PDSS1: variants seen among roughly 807,000 people sequenced by gnomAD.
PDSS1 encodes the protein all trans-polyprenyl-diphosphate synthase PDSS1.
In PDSS1, 43 loss-of-function variants were observed where a neutral mutation model predicts 57.5. The ratio of observed to expected loss-of-function variants is 0.75; its 90% CI spans 0.59 to 0.96. PDSS1 has a LOEUF of 0.96. PDSS1 is among the 50% of genes least tolerant of loss of function. The probability of loss-of-function intolerance (pLI) is 0.00; values close to 1 mark genes in which losing one functional copy is unlikely to be tolerated. For missense variants in PDSS1, 438 were observed against 527.8 expected (o/e 0.83, Z 1.67); for synonymous variants, 175 against 191.3 (o/e 0.91, Z 0.70).
chr10:26,732,994 AG>A (rs1836266896), intron 8 of PDSS1, among the ~76,000 whole-genome samples: 1 of 152,192 alleles, frequency 6.6e-6, no homozygotes, highest in African/African-American at 2.4e-5. Context: ...AGGTTGAGGC[AG>A]GAGAATCGCT....
chr10:26,720,065 G>A, intron 5 of PDSS1, 153 bp from the exon 6 acceptor site: 1 of 1,015,340 alleles, frequency 9.8e-7, no homozygotes, highest in Non-Finnish European at 1.5e-6. Flanking sequence ...TAAATGTATA[G>A]AAATGGCTGT....
chr10:26,705,595 T>C (rs1835186084), intron 4 of PDSS1, among the ~76,000 whole-genome samples: 1 of 152,192 alleles, frequency 6.6e-6, no homozygotes, highest in Admixed American at 6.5e-5. Flanking sequence ...TGCCTCAGCC[T>C]CCTGAGTAGC....
chr10:26,717,581 T>C (rs970476498), intron 5 of PDSS1: 1 of 152,180 alleles, frequency 6.6e-6, no homozygotes, highest in African/African-American at 2.4e-5. Context: ...TTCAAAATAT[T>C]TTAAGAAATC....
intron 8 of PDSS1, among the ~76,000 whole-genome samples, chr10:26,729,774 T>C (rs1232008398): frequency 1.3e-5 from 2 of 152,208 alleles, no homozygotes; most frequent in East Asian, 1.9e-4. Flanking sequence ...CATTTATGCC[T>C]AGTGTTCCAT....
chr10:26,741,209 G>A (rs908615937), intron 10 of PDSS1, among the ~76,000 whole-genome samples: 5 of 152,162 alleles, frequency 3.3e-5, no homozygotes, highest in Non-Finnish European at 5.9e-5. Context: ...CCCAGGCCAG[G>A]CGCGGTGGCT....
intron 8 of PDSS1, among the ~76,000 whole-genome samples, chr10:26,726,760 T>C (rs920588736): frequency 6.6e-5 from 10 of 152,102 alleles, no homozygotes; most frequent in South Asian, 4.1e-4. Flanking sequence ...TTGACTGATA[T>C]TAAAATAGAA....
intron 1 of PDSS1, among the ~76,000 whole-genome samples, chr10:26,700,198 GA>G (rs1482410174): frequency 6.6e-6 from 1 of 151,770 alleles, no homozygotes; most frequent in Non-Finnish European, 1.5e-5. Flanking sequence ...TAGAGACGGG[GA>G]CTTTTTGTGT....
rs766225494 is a variant in PDSS1 at position 26,723,830 on chromosome 10, C to A, written c.634C>A (p.Leu212Ile). ...GGCTGTTCTTGCTGGAGATTTAATT[C>A]TTTCTGCAGCATCTATAGCTCTGGC... is the stretch of plus-strand genomic sequence containing the variant. ...KKAVLAGDLI[L>I]SAASIALARI... The change falls in exon 7 of 12, where the codon CTT (leucine) becomes ATT (isoleucine). Residue 212 changes from leucine to isoleucine, a missense_variant. Leu to Ile is a conservative substitution (Grantham distance 5). Transcript: ENST00000376215. The A allele has an allele frequency of 1.1e-5, 18 of 1,612,274 alleles. No individual in the cohort carries two copies. The highest frequency in any genetic ancestry group is 1.4e-5 in the Non-Finnish European group (17 of 1,178,324).
intron 8 of PDSS1, among the ~76,000 whole-genome samples, chr10:26,724,527 G>T (rs1835891071): frequency 6.6e-6 from 1 of 152,106 alleles, no homozygotes; most frequent in South Asian, 2.1e-4. Context: ...CTCAGGAAAA[G>T]ATATCTGTTA....
rs758471892 is a variant in PDSS1 at position 26,746,463 on chromosome 10, G to GAGAT, written c.1240_1243dup (p.Lys415ArgfsTer2). 1.7e-5 allele frequency: 28 copies of GAGAT among 1,613,996 alleles called. No homozygotes were observed. Among genetic ancestry groups the GAGAT allele is most frequent in the Admixed American group, 5.0e-5 (3 of 60,016 alleles). ...CAGCTTTCAGAAATTGTACTCACAA[G>GAGAT]AGATAAATGACAACTCTTTCTGTTC... On this transcript the variant is annotated frameshift_variant, in exon 12 of 12. Coordinates refer to ENST00000376215, the MANE Select transcript of PDSS1 (RefSeq NM_014317.5). LOFTEE classifies it high-confidence loss of function.
intron 8 of PDSS1, among the ~76,000 whole-genome samples, chr10:26,724,413 T>C (rs1349179546): frequency 6.6e-6 from 1 of 152,216 alleles, no homozygotes; most frequent in Non-Finnish European, 1.5e-5. Context: ...CTGTATCATT[T>C]TGAACAATTT....
rs1023928113 is a variant in PDSS1, at chr10:26,697,942, CG to C, written c.129+107del. Reference sequence around the variant, plus strand: ...AGCGGGGAGCACGTGCGTCGCGACGCGGGGGCGCGCGGGGTAGCTCCGGGGT... The same window carrying C: ...AGCGGGGAGCACGTGCGTCGCGACGCGGGGCGCGCGGGGTAGCTCCGGGGT... On this transcript the variant is annotated intron_variant, in intron 1 of 11. Transcript: ENST00000376215. 8.0e-5 allele frequency: 84 copies of C among 1,049,722 alleles called. No homozygotes were observed. In the African/African-American group the frequency reaches 1.3e-3, roughly 16 times the overall value. 65.0% of individuals were successfully genotyped at this position (1,049,722 alleles called of 1,614,324 possible).
chr10:26,732,304 T>C (rs1836235242), intron 8 of PDSS1, among the ~76,000 whole-genome samples: 1 of 152,194 alleles, frequency 6.6e-6, no homozygotes, highest in African/African-American at 2.4e-5. Flanking sequence ...GCATGGTCTT[T>C]ATGCTACCCC....
chr10:26,746,694 A>AATT lies in PDSS1; in HGVS notation c.*224_*226dup. ...CTGAATCTGTCATTCTAGTCCTATA[A>AATT]ATTATAATCAAGGTATCTTGATGGT... On this transcript the variant is annotated 3_prime_UTR_variant, in exon 12 of 12. Coordinates refer to ENST00000376215, the MANE Select transcript of PDSS1 (RefSeq NM_014317.5). The AATT allele has an allele frequency of 1.9e-6, 1 of 529,668 alleles. No individual in the cohort carries two copies. Among genetic ancestry groups the AATT allele is most frequent in the Non-Finnish European group, 3.4e-6 (1 of 294,844 alleles). The allele number at this position is 529,668 out of a possible 1,614,324, so 32.8% of individuals were successfully genotyped here. A position where few individuals can be genotyped will look rare whatever the true frequency, so the allele number is the denominator to read the frequency against.
intron 6 of PDSS1, 59 bp from the exon 7 acceptor site, chr10:26,723,747 G>A: frequency 1.7e-6 from 2 of 1,152,650 alleles, no homozygotes. Context: ...TTTCATCATT[G>A]GCTCTACTGC....
At chr10:26,717,541 A>G (rs1395128347) in intron 5 of PDSS1, 3 of 152,198 alleles carry the variant, frequency 2.0e-5, no homozygotes, top group Non-Finnish European at 2.9e-5. Context: ...GCAAAATGAC[A>G]TTTTTAGATG....
intron 5 of PDSS1, among the ~76,000 whole-genome samples, chr10:26,714,466 C>CA (rs34696535): frequency 4.6e-4 from 56 of 122,980 alleles, no homozygotes; most frequent in Non-Finnish European, 5.6e-4. Context: ...GACTCTGTCT[C>CA]AAAAAAAAAA....
At chr10:26,725,306 T>G (rs1835914405) in intron 8 of PDSS1, among the ~76,000 whole-genome samples, 1 of 152,082 alleles carries the variant, frequency 6.6e-6, no homozygotes, top group Non-Finnish European at 1.5e-5. Context: ...GATGAAAAAG[T>G]CTCTTGCTGT....
intron 1 of PDSS1, among the ~76,000 whole-genome samples, chr10:26,701,258 G>A (rs1163290848): frequency 1.3e-5 from 2 of 152,220 alleles, no homozygotes; most frequent in African/African-American, 4.8e-5. Flanking sequence ...AGAATTTTCT[G>A]GGGAGGAATT....
Sources: allele counts gnomAD v4.1 joint callset (sites outside exome capture counted in the v4.1 genomes callset), GRCh38; gene constraint gnomAD v4.1.1; transcripts MANE v1.5; gene names NCBI Gene and HGNC (gene_info 2026-07-23, HGNC 2026-07-21).